The following PHACTR2 variants were observed in gnomAD, a reference collection of about 807,000 sequenced individuals.
The protein encoded by PHACTR2 is phosphatase and actin regulator 2.
PHACTR2 carries 30 observed loss-of-function variants against 76.0 expected under a neutral mutation model. The ratio of observed to expected loss-of-function variants is 0.39; its 90% CI spans 0.30 to 0.54. PHACTR2 has a LOEUF of 0.54. PHACTR2 is among the 20% of genes least tolerant of loss of function. PHACTR2 has a pLI of 0.61. For missense variants in PHACTR2, 696 were observed against 781.1 expected (o/e 0.89, Z 1.30); for synonymous variants, 292 against 292.5 (o/e 1.00, Z 0.02).
rs536222943 is a variant in PHACTR2 at position 143,627,664 on chromosome 6, C to T, written c.13+19342C>T. Among the ~76,000 whole-genome samples, 4 of 150,518 alleles carry T rather than the reference C, an allele frequency of 2.7e-5. No individual in the cohort carries two copies. The highest frequency in any genetic ancestry group is 5.9e-5 in the Non-Finnish European group (4 of 67,748). On this transcript the variant is annotated intron_variant, in intron 1 of 11. Coordinates refer to the PHACTR2 transcript ENST00000305766. This position sits in a 1 kb window ranked among gnomAD's most constrained non-coding sequence, Gnocchi z 4.3. Reference sequence around the variant, plus strand: ...TCACCCAGGCTGGAATGCAGTGGCACGATCTCGGCTCACTGCAACCTCCGC... The same window carrying T: ...TCACCCAGGCTGGAATGCAGTGGCATGATCTCGGCTCACTGCAACCTCCGC...
rs1775149857 is a variant in PHACTR2, at chr6:143,554,865, T to G, written c.217+17658T>G. ...TTTTCTTTCTCTGTGGTCTTCCCAG[T>G]ACATATCCTTTGCCCTTTGTTCCTG... On this transcript the variant is annotated intron_variant, in intron 1 of 11. Transcript: ENST00000367584. This position sits in a 1 kb window ranked among gnomAD's most constrained non-coding sequence, Gnocchi z 5.9. The G allele has an allele frequency of 6.6e-6, 1 of 152,228 alleles. No individual in the cohort carries two copies. The highest frequency in any genetic ancestry group is 1.5e-5 in the Non-Finnish European group (1 of 68,040). The allele number at this position is 152,228 out of a possible 1,614,324, so 9.4% of individuals were successfully genotyped here.
chr6:143,608,974 T>C lies in PHACTR2; in HGVS notation c.13+652T>C, dbSNP rs1775933717. 6.6e-6 allele frequency among the ~76,000 whole-genome samples: 1 copy of C among 152,254 alleles called. No individual in the cohort carries two copies. Among genetic ancestry groups the C allele is most frequent in the African/African-American group, 2.4e-5 (1 of 41,464 alleles). On this transcript the variant is annotated intron_variant, in intron 1 of 11. Transcript: ENST00000305766. The surrounding 1 kb of genome is among the most constrained non-coding windows in gnomAD (Gnocchi z 4.6). ...TTATCAGGTGGAACTTTTTTCTTTT[T>C]ACTTTGCTGTATTGAACTTTTAGAG... is the stretch of plus-strand genomic sequence containing the variant.
At chr6:143,670,488 G>A (rs539250067) in intron 1 of PHACTR2, among the ~76,000 whole-genome samples, 174 of 152,252 alleles carry the variant, frequency 1.1e-3, no homozygotes, top group African/African-American at 3.9e-3. Flanking sequence ...CCATTCAAAC[G>A]TAGGTTTGGT....
rs1414288348 is a variant in PHACTR2 at position 143,811,149 on chromosome 6, G to C, written c.1922+4016G>C. The stretch of plus-strand genomic sequence containing the variant: ...TTTATTTGTGTGTATGATTCAGAAA[G>C]TAAACTAACTTTACTTTTTTCTAAA... On this transcript the variant is annotated intron_variant, in intron 12 of 12. Coordinates refer to ENST00000440869, the MANE Select transcript of PHACTR2 (RefSeq NM_001100164.2). The surrounding 1 kb of genome is among the most constrained non-coding windows in gnomAD (Gnocchi z 4.1). Among the ~76,000 whole-genome samples the C allele has an allele frequency of 6.6e-6, 1 of 152,154 alleles. No individual in the cohort carries two copies. Among genetic ancestry groups the C allele is most frequent in the East Asian group, 1.9e-4 (1 of 5,198 alleles).
At chr6:143,606,207 C>T (rs1035514127), upstream of PHACTR2, among the ~76,000 whole-genome samples, 2 of 152,126 alleles carry the variant, frequency 1.3e-5, no homozygotes, top group East Asian at 1.9e-4. Context: ...TTTTTAATAG[C>T]GTCACGTCAC....
intron 2 of PHACTR2, among the ~76,000 whole-genome samples, chr6:143,725,198 C>CTTTT (rs59963214): frequency 1.6e-5 from 1 of 61,802 alleles, no homozygotes. Flanking sequence ...TTTGTGCTGT[C>CTTTT]TTTTTTTTTT....
At chr6:143,736,200 C>T (rs1778815291) in intron 2 of PHACTR2, among the ~76,000 whole-genome samples, 1 of 152,114 alleles carries the variant, frequency 6.6e-6, no homozygotes, top group Non-Finnish European at 1.5e-5. Flanking sequence ...TGTTGCTCAG[C>T]CTGTGATACT....
chr6:143,668,390 A>C (rs1401741687), intron 1 of PHACTR2, among the ~76,000 whole-genome samples: 1 of 152,164 alleles, frequency 6.6e-6, no homozygotes, highest in African/African-American at 2.4e-5. Context: ...TGGCCTCATA[A>C]AATGAGTTAG....
chr6:143,693,715 C>T (rs958961120), intron 1 of PHACTR2, among the ~76,000 whole-genome samples: 2 of 152,170 alleles, frequency 1.3e-5, no homozygotes, highest in Non-Finnish European at 2.9e-5. Flanking sequence ...CTCACCTCAA[C>T]AGTGCCATAT....
chr6:143,651,866 A>G (rs988058161), intron 1 of PHACTR2, among the ~76,000 whole-genome samples: 2 of 150,674 alleles, frequency 1.3e-5, no homozygotes, highest in East Asian at 3.9e-4. Flanking sequence ...AAAAATATAT[A>G]ATATATATAT....
rs1373844215 is a variant in PHACTR2 at position 143,663,215 on chromosome 6, T to G, written c.14-48801T>G. On this transcript the variant is annotated intron_variant, in intron 1 of 11. Coordinates refer to the PHACTR2 transcript ENST00000305766. This position sits in a 1 kb window ranked among gnomAD's most constrained non-coding sequence, Gnocchi z 4.1. ...TTTGCTATAGTGATCTATTTCCCTT[T>G]GAGTATATACCCAGTAATGATATTT... 6.6e-6 allele frequency among the ~76,000 whole-genome samples: 1 copy of G among 152,324 alleles called. No homozygotes were observed. Among genetic ancestry groups the G allele is most frequent in the Non-Finnish European group, 1.5e-5 (1 of 68,032 alleles).
rs1394831556 is a variant in PHACTR2 at position 143,821,619 on chromosome 6, C to T, written c.1923-2055C>T. Among the ~76,000 whole-genome samples, 1 of 152,194 alleles carries T rather than the reference C, an allele frequency of 6.6e-6. No homozygotes were observed. The highest frequency in any genetic ancestry group is 1.5e-5 in the Non-Finnish European group (1 of 68,034). On this transcript the variant is annotated intron_variant, in intron 12 of 12. Transcript: ENST00000440869. The surrounding 1 kb of genome is among the most constrained non-coding windows in gnomAD (Gnocchi z 5.2). ...ACAGGAAAGAGAGCAATTAGTGCTTCCCTGAGCAGTGGAGAAAAGAGTTTG... is the reference window on the plus strand; with the variant it reads ...ACAGGAAAGAGAGCAATTAGTGCTTTCCTGAGCAGTGGAGAAAAGAGTTTG...
intron 1 of PHACTR2, among the ~76,000 whole-genome samples, chr6:143,540,991 C>T (rs1047903452): frequency 2.6e-5 from 4 of 152,210 alleles, no homozygotes; most frequent in African/African-American, 9.7e-5. Flanking sequence ...GCCAGTACAA[C>T]CATAGTGCAC....
intron 12 of PHACTR2, chr6:143,810,503 C>T (rs1776152683): frequency 2.3e-6 from 1 of 444,018 alleles, no homozygotes; most frequent in South Asian, 1.6e-5. Context: ...TACCCCATTT[C>T]ATTGATTTCT....
chr6:143,591,641 G>T lies in PHACTR2; in HGVS notation c.217+54434G>T, dbSNP rs1426026544. On this transcript the variant is annotated intron_variant, in intron 1 of 11. Coordinates refer to the PHACTR2 transcript ENST00000367584. The surrounding 1 kb of genome is among the most constrained non-coding windows in gnomAD (Gnocchi z 6.4). ...GAACCTCTTGCCTAGGGCTGTGAAG[G>T]CCAAATGGAATTGAGGACATCTCAG... Among the ~76,000 whole-genome samples, 1 of 152,200 alleles carries T rather than the reference G, an allele frequency of 6.6e-6. No homozygotes were observed. Among genetic ancestry groups the T allele is most frequent in the Non-Finnish European group, 1.5e-5 (1 of 68,036 alleles).
intron 2 of PHACTR2, among the ~76,000 whole-genome samples, chr6:143,735,466 C>T (rs1778793825): frequency 6.6e-6 from 1 of 151,480 alleles, no homozygotes. Flanking sequence ...GTAAATTTAC[C>T]ATCTTAGCCA....
chr6:143,590,842 G>T (rs934875435), intron 1 of PHACTR2, among the ~76,000 whole-genome samples: 1 of 152,032 alleles, frequency 6.6e-6, no homozygotes, highest in African/African-American at 2.4e-5. Context: ...CCTGTGGATG[G>T]TTAATTTTGC....
rs1775498160 is a variant in PHACTR2 at position 143,784,165 on chromosome 6, T to C, written c.1707+885T>C. On this transcript the variant is annotated intron_variant, in intron 10 of 12. Transcript: ENST00000440869. The surrounding 1 kb of genome is among the most constrained non-coding windows in gnomAD (Gnocchi z 4.5). ...GTAAGTAATTTGTTACTCCTGAAGATTTCCCACTATTCCACATCACAGCTG... is the reference window on the plus strand; with the variant it reads ...GTAAGTAATTTGTTACTCCTGAAGACTTCCCACTATTCCACATCACAGCTG... Among the ~76,000 whole-genome samples, 1 of 152,228 alleles carries C rather than the reference T, an allele frequency of 6.6e-6. No homozygotes were observed. Among genetic ancestry groups the C allele is most frequent in the Admixed American group, 6.5e-5 (1 of 15,278 alleles).
At chr6:143,545,596 G>A (rs1314068350) in intron 1 of PHACTR2, among the ~76,000 whole-genome samples, 1 of 152,182 alleles carries the variant, frequency 6.6e-6, no homozygotes, top group African/African-American at 2.4e-5. Flanking sequence ...GGTTTCAGAA[G>A]AGTGGAGTAA....
Sources: allele counts gnomAD v4.1 joint callset (sites outside exome capture counted in the v4.1 genomes callset), GRCh38; gene constraint gnomAD v4.1.1; non-coding constraint Gnocchi (gnomAD v3.1); transcripts MANE v1.5; gene names NCBI Gene and HGNC (gene_info 2026-07-23, HGNC 2026-07-21).